The following RBL2 variants were observed in gnomAD, a reference collection of about 807,000 sequenced individuals.
The protein encoded by RBL2 is retinoblastoma-like protein 2.
A neutral mutation model predicts 126.0 loss-of-function variants in RBL2; 56 were observed. That is an observed-to-expected ratio of 0.44 (90% CI 0.36 to 0.56). RBL2 has a LOEUF of 0.56. RBL2 is among the 20% of genes least tolerant of loss of function. The pLI, the probability that RBL2 is intolerant of heterozygous loss-of-function variation, is 0.00. For missense variants in RBL2, 1,229 were observed against 1,398.2 expected, an observed-to-expected ratio of 0.88 and a Z score of 1.93; for synonymous variants, 454 against 478.5, an observed-to-expected ratio of 0.95 and a Z score of 0.67.
Position 53,434,707 on chromosome 16 carries a change from G to T in RBL2, c.151G>T (p.Glu51Ter). Residue 51 changes from glutamate to a stop codon, truncating the protein, a stop_gained, in exon 1 of 22, where the codon GAG (glutamate) becomes TAG (stop). Coordinates refer to ENST00000262133, the MANE Select transcript of RBL2 (RefSeq NM_005611.4). LOFTEE classifies it high-confidence loss of function. ...CCCTCAGATCCAGCAGCGGTTCGAC[G>T]AGCTGTGCAGCCGCCTCAACATGGA... is the stretch of plus-strand genomic sequence containing the variant. ...PTPQIQQRFD[E>*]LCSRLNMDEA... 1 of 1,563,936 alleles carries T rather than the reference G, an allele frequency of 6.4e-7. No individual in the cohort carries two copies. Among genetic ancestry groups the T allele is most frequent in the Non-Finnish European group, 8.6e-7 (1 of 1,164,830 alleles).
chr16:53,465,244 A>T (rs993173450), intron 12 of RBL2, among the ~76,000 whole-genome samples, 194 bp from the exon 13 acceptor site: 11 of 152,236 alleles, frequency 7.2e-5, no homozygotes, highest in Non-Finnish European at 1.5e-4. Context: ...TTCATTAAAA[A>T]ATTTTGAAAT....
intron 3 of RBL2, among the ~76,000 whole-genome samples, chr16:53,445,269 G>A (rs553458903): frequency 6.6e-6 from 1 of 150,572 alleles, no homozygotes. Flanking sequence ...TGAGGCTGCA[G>A]TGAGCTGTGC....
Position 53,434,525 on chromosome 16 carries a change from T to C in RBL2, c.-32T>C. The C allele has an allele frequency of 1.4e-6, 2 of 1,403,838 alleles. No homozygotes were observed. Among genetic ancestry groups the C allele is most frequent in the Non-Finnish European group, 1.8e-6 (2 of 1,084,722 alleles). The allele number at this position is 1,403,838 out of a possible 1,614,324, so 87.0% of individuals were successfully genotyped here. A position where few individuals can be genotyped will look rare whatever the true frequency, so the allele number is the denominator to read the frequency against. ...ATGGCTGCGGGCCCGGGCCCTCACC[T>C]CACCTGAGGTCCGGCCGCCCAGGGG... On this transcript the variant is annotated 5_prime_UTR_variant, in exon 1 of 22. Coordinates refer to ENST00000262133, the MANE Select transcript of RBL2 (RefSeq NM_005611.4).
chr16:53,487,740 C>T (rs529614948), intron 21 of RBL2: 2 of 152,142 alleles, frequency 1.3e-5, no homozygotes, highest in South Asian at 4.1e-4. Context: ...ATTAAAAAAC[C>T]AGCCATAGAC....
In RBL2 at chr16:53,462,277, T is replaced by C. The variant is rs574858357; in HGVS notation, c.1457-275T>C. Among the ~76,000 whole-genome samples, 37 of 152,308 alleles carry C rather than the reference T, an allele frequency of 2.4e-4. No individual in the cohort carries two copies. In the South Asian group the frequency reaches 7.7e-3, roughly 32 times the overall value. ...TACCTCTTAGCATTGGTCTGTTTTG[T>C]TCAAACATAGAGGAAAAAAAAGGGT... On this transcript the variant is annotated intron_variant, in intron 10 of 21. Coordinates refer to ENST00000262133, the MANE Select transcript of RBL2 (RefSeq NM_005611.4).
At chr16:53,466,959 A>C in intron 13 of RBL2, 99 bp from the exon 14 acceptor site, 2 of 802,314 alleles carry the variant, frequency 2.5e-6, no homozygotes, top group Non-Finnish European at 2.0e-6. Flanking sequence ...TTTAGATGGA[A>C]TAATTGTTAA....
At chr16:53,486,974 G>A (rs1361829340) in intron 21 of RBL2, among the ~76,000 whole-genome samples, 3 of 152,062 alleles carry the variant, frequency 2.0e-5, no homozygotes, top group Non-Finnish European at 4.4e-5. Context: ...TTACTTAGGG[G>A]TAGGTATGAT....
At position 53,439,105 on chromosome 16, in the gene RBL2, C is replaced by T; in HGVS notation, c.330C>T (p.Asn110=). 6.2e-6 allele frequency: 10 copies of T among 1,607,876 alleles called. No homozygotes were observed. The highest frequency in any genetic ancestry group is 8.5e-6 in the Non-Finnish European group (10 of 1,177,186). The part of the protein sequence containing the change: ...PTVSKGTVEG[N]YVSLTRILKC... ...TAAGCAAAGGGACAGTGGAAGGAAA[C>T]TATGTATCTTTAACTAGAATCCTGA... The change falls in exon 2 of 22, where the codon AAC becomes AAT. Residue 110 remains asparagine (N), a synonymous_variant. Transcript: ENST00000262133.
intron 1 of RBL2, among the ~76,000 whole-genome samples, chr16:53,438,713 G>T (rs911624959): frequency 2.0e-5 from 3 of 151,726 alleles, no homozygotes. Context: ...GTATGGTGGC[G>T]CACTTCTGTA....
At chr16:53,461,439 C>T (rs1334478673) in intron 9 of RBL2, among the ~76,000 whole-genome samples, 1 of 152,120 alleles carries the variant, frequency 6.6e-6, no homozygotes, top group East Asian at 1.9e-4. Context: ...TTGCAGTGAG[C>T]CAAGACTGCA....
At chr16:53,486,889 T>C (rs2150832407) in intron 21 of RBL2, among the ~76,000 whole-genome samples, 1 of 152,278 alleles carries the variant, frequency 6.6e-6, no homozygotes, top group Non-Finnish European at 1.5e-5. Flanking sequence ...CATACAAAAA[T>C]CAAATGTATT....
intron 13 of RBL2, chr16:53,466,836 A>G: frequency 2.3e-6 from 1 of 436,442 alleles, no homozygotes; most frequent in Non-Finnish European, 4.2e-6. Flanking sequence ...TCTCCAAACC[A>G]GTAATGAAGT....
intron 20 of RBL2, 143 bp from the exon 21 acceptor site, chr16:53,481,523 TTTTTC>T (rs1960945315): frequency 1.4e-6 from 1 of 714,020 alleles, no homozygotes; most frequent in African/African-American, 1.8e-5. Flanking sequence ...TATTAGAATA[TTTTTC>T]TTTAGGTTAA....
chr16:53,467,357 AG>A lies in RBL2; in HGVS notation c.1975+190del, dbSNP rs536441452. On this transcript the variant is annotated intron_variant, in intron 14 of 21. Coordinates refer to ENST00000262133, the MANE Select transcript of RBL2 (RefSeq NM_005611.4). ...AACACAGGAAAATGCATGATATAAC[AG>A]GTATCTTTTAAAAAGGATAGACTGC... 1.6e-4 allele frequency among the ~76,000 whole-genome samples: 24 copies of A among 152,340 alleles called. No individual in the cohort carries two copies. In the South Asian group the frequency reaches 1.7e-3, roughly 11 times the overall value.
intron 21 of RBL2, among the ~76,000 whole-genome samples, chr16:53,483,579 A>G (rs545468928): frequency 3.3e-5 from 5 of 151,910 alleles, no homozygotes; most frequent in African/African-American, 1.2e-4. Context: ...AAACAAGAAC[A>G]GCAAAAATCT....
chr16:53,449,633 A>ACTGTGAT (rs995890274), intron 4 of RBL2: 47 of 150,394 alleles, frequency 3.1e-4, no homozygotes, highest in African/African-American at 8.5e-4. Flanking sequence ...ACAGTCCACC[A>ACTGTGAT]CTGTGATCTT....
chr16:53,440,987 T>G (rs2058010320), intron 2 of RBL2, among the ~76,000 whole-genome samples: 2 of 124,966 alleles, frequency 1.6e-5, no homozygotes, highest in South Asian at 2.6e-4. Flanking sequence ...TGAGATGGAG[T>G]CTCACTCTGC....
Position 53,454,265 on chromosome 16 carries a change from C to T in RBL2, c.993-391C>T, listed in dbSNP as rs571053223. 4.8e-4 allele frequency: 215 copies of T among 448,256 alleles called. 1 individual carries two copies. Among genetic ancestry groups the T allele is most frequent in the South Asian group, 3.4e-3 (208 of 61,730 alleles). 27.8% of individuals were successfully genotyped at this position (448,256 alleles called of 1,614,324 possible). On this transcript the variant is annotated intron_variant, in intron 7 of 21. Transcript: ENST00000262133. ...TGTCGCCCAGGCTGGAATGCAGTGG[C>T]ATGATCTCGGCTCACTGCAACCTCT...
intron 1 of RBL2, among the ~76,000 whole-genome samples, chr16:53,435,085 C>G (rs1410650604): frequency 2.0e-5 from 3 of 152,004 alleles, no homozygotes. Flanking sequence ...TGTGTGTGGC[C>G]CATCTGACCC....
Sources: gnomAD v4.1 joint callset for allele counts (sites outside exome capture counted in the v4.1 genomes callset) on GRCh38, gnomAD v4.1.1 for gene constraint, MANE v1.5 for transcripts, NCBI Gene and HGNC (gene_info 2026-07-23, HGNC 2026-07-21) for gene names.